HIVEP1: variants seen among roughly 807,000 people sequenced by gnomAD.
HIVEP1 encodes the protein zinc finger protein 40.
Under a neutral mutation model 180.0 loss-of-function variants are expected in HIVEP1, and 36 were observed. That is an observed-to-expected ratio of 0.20 (90% CI 0.15 to 0.26). HIVEP1 has a LOEUF of 0.26. HIVEP1 is among the 10% of genes least tolerant of loss of function. HIVEP1 has a pLI of 1.00. For missense variants in HIVEP1, 3,143 were observed against 3,268.7 expected, an observed-to-expected ratio of 0.96 and a Z score of 0.94; for synonymous variants, 1,239 against 1,239.0, an observed-to-expected ratio of 1.00 and a Z score of 0.00.
At chr6:12,126,625 T>C (rs904348104) in intron 4 of HIVEP1, among the ~76,000 whole-genome samples, 2 of 152,194 alleles carry the variant, frequency 1.3e-5, no homozygotes, top group African/African-American at 4.8e-5. Flanking sequence ...ATTTGGCCTC[T>C]GCAGATTCAT....
chr6:12,047,414 T>C (rs997315916), intron 2 of HIVEP1, among the ~76,000 whole-genome samples: 1 of 152,180 alleles, frequency 6.6e-6, no homozygotes, highest in African/African-American at 2.4e-5. Flanking sequence ...GGCCAGTGGG[T>C]GAAATGGTGT....
At chr6:12,151,659 G>C (rs1404436745) in intron 7 of HIVEP1, among the ~76,000 whole-genome samples, 17 of 152,176 alleles carry the variant, frequency 1.1e-4, no homozygotes. Flanking sequence ...ATGTGGCATA[G>C]ATGTTGGCAA....
intron 3 of HIVEP1, among the ~76,000 whole-genome samples, chr6:12,108,653 G>A (rs911731564): frequency 5.9e-5 from 9 of 152,226 alleles, no homozygotes; most frequent in South Asian, 2.1e-4. Context: ...CTCATTGCCC[G>A]GGGCCAGCAG....
In HIVEP1 at chr6:12,164,276, G is replaced by A. The variant is rs761061625; in HGVS notation, c.7972G>A (p.Ala2658Thr). Residue 2658 changes from alanine (A) to threonine (T), a missense_variant, in exon 9 of 9, where the codon GCG becomes ACG. Transcript: ENST00000379388. Reference sequence around the variant, plus strand: ...ACTCACTTCCATACAGGGCCAACCAGCGTCCACGTCACAACCTCTGCTGAA... The same window carrying A: ...ACTCACTTCCATACAGGGCCAACCAACGTCCACGTCACAACCTCTGCTGAA... Reference protein sequence around the residue: ...PELTSIQGQPASTSQPLLKAH... With the variant: ...PELTSIQGQPTSTSQPLLKAH... 13 of 1,613,952 alleles carry A rather than the reference G, an allele frequency of 8.1e-6. No individual in the cohort carries two copies. In the South Asian group the frequency reaches 1.4e-4, roughly 18 times the overall value.
At chr6:12,057,857 A>G (rs1770976925) in intron 2 of HIVEP1, among the ~76,000 whole-genome samples, 1 of 152,198 alleles carries the variant, frequency 6.6e-6, no homozygotes, top group Non-Finnish European at 1.5e-5. Context: ...AGTAACTGTA[A>G]AATGTGAAGA....
chr6:12,174,666 G>C, the HIVEP1 span, among the ~76,000 whole-genome samples: 1 of 152,164 alleles, frequency 6.6e-6, no homozygotes, highest in African/African-American at 2.4e-5. Context: ...AGACACAACA[G>C]ATTCAGGCGA....
chr6:12,054,079 A>G (rs1446714624), intron 2 of HIVEP1, among the ~76,000 whole-genome samples: 1 of 152,210 alleles, frequency 6.6e-6, no homozygotes, highest in East Asian at 1.9e-4. Context: ...CGCATTGCCC[A>G]TAACTCTCAG....
chr6:12,115,512 G>A (rs1472220935), intron 3 of HIVEP1, among the ~76,000 whole-genome samples: 1 of 151,988 alleles, frequency 6.6e-6, no homozygotes, highest in African/African-American at 2.4e-5. Context: ...TCTCCTGAGT[G>A]TGCTTTGTAT....
intron 3 of HIVEP1, among the ~76,000 whole-genome samples, chr6:12,091,814 T>A (rs980203914): frequency 3.3e-5 from 5 of 152,194 alleles, no homozygotes; most frequent in Admixed American, 2.6e-4. Flanking sequence ...ATGTTTTTCC[T>A]TACAGTGCTA....
At chr6:12,070,195 A>T (rs182389134) in intron 2 of HIVEP1, among the ~76,000 whole-genome samples, 1 of 152,358 alleles carries the variant, frequency 6.6e-6, no homozygotes, top group African/African-American at 2.4e-5. Context: ...GTCTAAAATG[A>T]CAATAAAGTA....
upstream of HIVEP1, among the ~76,000 whole-genome samples, chr6:12,011,685 C>G (rs1251360481): frequency 6.7e-6 from 1 of 148,750 alleles, no homozygotes; most frequent in African/African-American, 2.4e-5. Context: ...GGGGCCGGCG[C>G]GGTCTGGGGC....
At chr6:12,127,589 TGTAGA>T (rs1440705502) in intron 4 of HIVEP1, among the ~76,000 whole-genome samples, 2 of 152,148 alleles carry the variant, frequency 1.3e-5, no homozygotes, top group African/African-American at 4.8e-5. Context: ...GATTCTTTTG[TGTAGA>T]GTAGAGATTC....
intron 8 of HIVEP1, among the ~76,000 whole-genome samples, chr6:12,162,583 T>G (rs745661032): frequency 3.1e-4 from 47 of 152,238 alleles, no homozygotes; most frequent in Non-Finnish European, 6.2e-4. Context: ...GACAAATGAT[T>G]AATTCTGGGA....
intron 2 of HIVEP1, chr6:12,020,149 C>A: frequency 2.9e-6 from 1 of 348,916 alleles, no homozygotes. Context: ...GATCTGTATA[C>A]TGTGTAGGAC....
intron 2 of HIVEP1, among the ~76,000 whole-genome samples, chr6:12,074,399 G>C (rs538571512): frequency 1.3e-5 from 2 of 152,154 alleles, no homozygotes; most frequent in African/African-American, 2.4e-5. Flanking sequence ...GTGTGTACTA[G>C]TAAGAGCTAT....
chr6:12,018,453 A>G (rs1054403166), intron 2 of HIVEP1, among the ~76,000 whole-genome samples: 3 of 152,210 alleles, frequency 2.0e-5, no homozygotes, highest in Admixed American at 2.0e-4. Flanking sequence ...TACTACCTTC[A>G]TGTACTTCAT....
chr6:12,119,465 A>C (rs565718948), intron 3 of HIVEP1, among the ~76,000 whole-genome samples: 1 of 152,358 alleles, frequency 6.6e-6, no homozygotes, highest in African/African-American at 2.4e-5. Context: ...TTTTGTTACA[A>C]GCAGAGGGAG....
At chr6:12,170,399 CT>C in the HIVEP1 span, among the ~76,000 whole-genome samples, 5 of 152,112 alleles carry the variant, frequency 3.3e-5, no homozygotes, top group Admixed American at 3.3e-4. Context: ...GACAGAAGCA[CT>C]GTGGAGGAGA....
chr6:12,068,203 G>A (rs1046779858), intron 2 of HIVEP1, among the ~76,000 whole-genome samples: 1 of 152,050 alleles, frequency 6.6e-6, no homozygotes, highest in Non-Finnish European at 1.5e-5. Context: ...TGATTCTCTT[G>A]CCTCAGCCTC....
Sources: allele counts gnomAD v4.1 joint callset (sites outside exome capture counted in the v4.1 genomes callset), GRCh38; gene constraint gnomAD v4.1.1; transcripts MANE v1.5; gene names NCBI Gene and HGNC (gene_info 2026-07-23, HGNC 2026-07-21).